PSD3: variants seen among roughly 807,000 people sequenced by gnomAD.
PSD3 encodes PH and SEC7 domain-containing protein 3.
PSD3 carries 49 observed loss-of-function variants against 105.5 expected under a neutral mutation model. The ratio of observed to expected loss-of-function variants is 0.46; its 90% confidence interval spans 0.37 to 0.59. The LOEUF (loss-of-function observed/expected upper bound fraction) is 0.59, where lower values mean the gene tolerates loss of function less well. Among genes scored for constraint, PSD3 ranks in the 20% least tolerant of loss-of-function variants. PSD3 has a pLI of 0.00. For missense variants in PSD3, 1,561 were observed against 1,263.8 expected (o/e 1.24, Z -3.57); for synonymous variants, 557 against 457.8 (o/e 1.22, Z -2.77).
intron 9 of PSD3, among the ~76,000 whole-genome samples, chr8:18,736,292 C>A (rs2129433008): frequency 6.6e-6 from 1 of 152,254 alleles, no homozygotes. Flanking sequence ...TAGTCTGTTT[C>A]TTCTTTATAT....
At chr8:18,963,383 C>T (rs1364461329) in intron 1 of PSD3, among the ~76,000 whole-genome samples, 1 of 152,188 alleles carries the variant, frequency 6.6e-6, no homozygotes, top group Non-Finnish European at 1.5e-5. Flanking sequence ...TCCTTCAAAA[C>T]TTTTCTCATG....
intron 9 of PSD3, among the ~76,000 whole-genome samples, chr8:18,665,009 C>T (rs527686066): frequency 1.3e-5 from 2 of 152,196 alleles, no homozygotes; most frequent in Non-Finnish European, 2.9e-5. Context: ...CAGAGCACCT[C>T]GTCACCCAAG....
intron 15 of PSD3, among the ~76,000 whole-genome samples, chr8:18,554,592 G>T (rs1315117478): frequency 6.6e-6 from 1 of 152,042 alleles, no homozygotes; most frequent in Admixed American, 6.6e-5. Context: ...TTTGATAACA[G>T]AAATATTATA....
chr8:18,605,123 T>C (rs1331927122), intron 11 of PSD3, among the ~76,000 whole-genome samples: 2 of 152,136 alleles, frequency 1.3e-5, no homozygotes, highest in Admixed American at 1.3e-4. Flanking sequence ...GACCTCAGAA[T>C]GGTAGAGCCA....
intron 1 of PSD3, among the ~76,000 whole-genome samples, chr8:19,067,844 C>G (rs924265440): frequency 1.3e-5 from 2 of 152,200 alleles, no homozygotes; most frequent in Non-Finnish European, 2.9e-5. Flanking sequence ...TTTCTGGCCA[C>G]CTTGGAGGAA....
chr8:18,879,243 TGTG>T (rs1472408545), intron 2 of PSD3, among the ~76,000 whole-genome samples: 5 of 152,204 alleles, frequency 3.3e-5, no homozygotes, highest in Admixed American at 6.5e-5. Flanking sequence ...GGCAAGTGCT[TGTG>T]ATGTCTGATA....
intron 15 of PSD3, among the ~76,000 whole-genome samples, chr8:18,544,105 T>A (rs1475878929): frequency 1.4e-5 from 2 of 140,066 alleles, no homozygotes; most frequent in Non-Finnish European, 3.0e-5. Flanking sequence ...AGAAAAGCAA[T>A]AATCTCATGT....
chr8:18,625,609 C>CA (rs1425170168), intron 11 of PSD3, among the ~76,000 whole-genome samples: 17 of 152,232 alleles, frequency 1.1e-4, no homozygotes, highest in Admixed American at 9.8e-4. Flanking sequence ...CCCAACTACA[C>CA]AAAAAATGCA....
At chr8:18,926,137 G>A (rs770967818) in intron 2 of PSD3, among the ~76,000 whole-genome samples, 5 of 149,550 alleles carry the variant, frequency 3.3e-5, no homozygotes, top group East Asian at 2.0e-4. Flanking sequence ...TGTTAAATAT[G>A]TATGTGTGAA....
chr8:18,709,887 G>C (rs532440815), intron 9 of PSD3, among the ~76,000 whole-genome samples: 1 of 152,118 alleles, frequency 6.6e-6, no homozygotes, highest in Non-Finnish European at 1.5e-5. Context: ...AGATTAGAAA[G>C]AATCAAAGAA....
At chr8:18,728,527 A>C (rs1294742554) in intron 9 of PSD3, among the ~76,000 whole-genome samples, 1 of 152,176 alleles carries the variant, frequency 6.6e-6, no homozygotes, top group Non-Finnish European at 1.5e-5. Flanking sequence ...GCATGGATGG[A>C]GACTTAGAGG....
chr8:18,924,724 G>C (rs1294443411), intron 2 of PSD3: 1 of 152,140 alleles, frequency 6.6e-6, no homozygotes, highest in Admixed American at 6.5e-5. Context: ...CGTGTGTATG[G>C]TGAGGCGTCT....
chr8:18,895,462 C>T (rs575514009), intron 2 of PSD3, among the ~76,000 whole-genome samples: 3 of 152,302 alleles, frequency 2.0e-5, no homozygotes, highest in South Asian at 4.1e-4. Flanking sequence ...ATTTATATTC[C>T]TATCAGCATC....
At chr8:18,789,558 A>G (rs900245294) in intron 8 of PSD3, among the ~76,000 whole-genome samples, 1 of 152,218 alleles carries the variant, frequency 6.6e-6, no homozygotes, top group Non-Finnish European at 1.5e-5. Context: ...AAAAATTTTA[A>G]GAGTATAAAG....
At chr8:19,080,949 C>G (rs954600519) in intron 1 of PSD3, among the ~76,000 whole-genome samples, 1 of 152,042 alleles carries the variant, frequency 6.6e-6, no homozygotes, top group Admixed American at 6.6e-5. Flanking sequence ...GGAAATGTCC[C>G]GAAACGATGA....
At chr8:18,696,853 T>C (rs142971799) in intron 9 of PSD3, among the ~76,000 whole-genome samples, 131 of 152,320 alleles carry the variant, frequency 8.6e-4, no homozygotes, top group African/African-American at 3.1e-3. Context: ...TAACTTAAAA[T>C]TTCTAGTAAC....
intron 9 of PSD3, among the ~76,000 whole-genome samples, chr8:18,722,508 A>G (rs1338725999): frequency 6.6e-6 from 1 of 152,202 alleles, no homozygotes; most frequent in African/African-American, 2.4e-5. Flanking sequence ...AATCCACACT[A>G]AGAATAAACT....
intron 1 of PSD3, among the ~76,000 whole-genome samples, chr8:19,069,624 C>T (rs760443058): frequency 4.6e-5 from 7 of 152,102 alleles, no homozygotes; most frequent in Non-Finnish European, 5.9e-5. Flanking sequence ...TTAGTGAGAA[C>T]GTTTTCTACG....
At chr8:18,621,084 G>A (rs187406371) in intron 11 of PSD3, among the ~76,000 whole-genome samples, 58 of 152,220 alleles carry the variant, frequency 3.8e-4, no homozygotes, top group African/African-American at 1.4e-3. Context: ...TATAAGATTG[G>A]CAGTTTATAT....
Sources: allele counts gnomAD v4.1 joint callset (sites outside exome capture counted in the v4.1 genomes callset), GRCh38; gene constraint gnomAD v4.1.1; transcripts MANE v1.5; gene names NCBI Gene and HGNC (gene_info 2026-07-23, HGNC 2026-07-21).